The following DAZAP1 variants were observed in gnomAD, a reference collection of about 807,000 sequenced individuals.
The protein encoded by DAZAP1 is DAZ-associated protein 1.
Under a neutral mutation model 60.1 loss-of-function variants are expected in DAZAP1, and 6 were observed. The ratio of observed to expected loss-of-function variants is 0.10; its 90% CI spans 0.05 to 0.20. DAZAP1 has a LOEUF of 0.20. Ranked by LOEUF, DAZAP1 falls within the 10% of genes least tolerant of loss-of-function variation. The pLI, the probability that DAZAP1 is intolerant of heterozygous loss-of-function variation, is 1.00. For missense variants in DAZAP1, 366 were observed against 560.4 expected (o/e 0.65, Z 3.50); for synonymous variants, 235 against 215.9 (o/e 1.09, Z -0.78).
intron 1 of DAZAP1, among the ~76,000 whole-genome samples, chr19:1,414,785 A>G (rs2082926810): frequency 6.6e-6 from 1 of 151,768 alleles, no homozygotes; most frequent in Non-Finnish European, 1.5e-5. Context: ...GTATTTGAGT[A>G]TTTTTTATTT....
chr19:1,414,709 C>T (rs1376717921), intron 1 of DAZAP1, among the ~76,000 whole-genome samples: 1 of 151,690 alleles, frequency 6.6e-6, no homozygotes, highest in Admixed American at 6.6e-5. Context: ...ACACTCCAGC[C>T]TGGGCAACAC....
intron 8 of DAZAP1, 62 bp from the exon 9 acceptor site, chr19:1,429,905 C>G: frequency 6.5e-7 from 1 of 1,550,314 alleles, no homozygotes; most frequent in Non-Finnish European, 8.7e-7. Flanking sequence ...TCTGCGGCTC[C>G]TTCTCTGCGT....
At position 1,425,651 on chromosome 19, in the gene DAZAP1, C is replaced by G. The variant is rs1405499600; in HGVS notation, c.464-227C>G. Among the ~76,000 whole-genome samples, 1 of 152,218 alleles carries G rather than the reference C, an allele frequency of 6.6e-6. No individual in the cohort carries two copies. The highest frequency in any genetic ancestry group is 1.5e-5 in the Non-Finnish European group (1 of 68,042). ...GCGGAGGCTTGACTCAGGCCTCAGT[C>G]AGCAGAGCCGTCACCGGGAGTGCGG... is the stretch of plus-strand genomic sequence containing the variant. On this transcript the variant is annotated intron_variant, in intron 6 of 11. Coordinates refer to ENST00000233078, the MANE Select transcript of DAZAP1 (RefSeq NM_018959.4). This position sits in a 1 kb window ranked among gnomAD's most constrained non-coding sequence, Gnocchi z 5.4.
chr19:1,434,032 C>A lies in DAZAP1; in HGVS notation c.1049-705C>A. ...CCACGCCCACCTGTGCCCACGTGCA[C>A]CCGAATGGGAACCCAGAGGTCGTGG... On this transcript the variant is annotated intron_variant, in intron 11 of 11. Transcript: ENST00000233078. This position sits in a 1 kb window ranked among gnomAD's most constrained non-coding sequence, Gnocchi z 8.0. 1 of 588,362 alleles carries A rather than the reference C, an allele frequency of 1.7e-6. No homozygotes were observed. The allele number at this position is 588,362 out of a possible 1,614,324, so 36.4% of individuals were successfully genotyped here. A position where few individuals can be genotyped will look rare whatever the true frequency, so the allele number is the denominator to read the frequency against.
chr19:1,424,328 T>C lies in DAZAP1; in HGVS notation c.464-1550T>C, dbSNP rs191509437. ...GTCCCTCCTCCTCTTCCTCCTCCTC[T>C]TCCCCCTCCCCCTCCTCCTCCCCCT... On this transcript the variant is annotated intron_variant, in intron 6 of 11. Transcript: ENST00000233078. Among the ~76,000 whole-genome samples the C allele has an allele frequency of 8.7e-3, 851 of 97,278 alleles. 11 individuals are homozygous for C. The highest frequency in any genetic ancestry group is 0.031 in the African/African-American group (774 of 24,698). 63.8% of individuals were successfully genotyped at this position (97,278 alleles called of 152,430 possible). A position where few individuals can be genotyped will look rare whatever the true frequency, so the allele number is the denominator to read the frequency against.
In DAZAP1 at chr19:1,416,306, G is replaced by T. The variant is rs2082984010; in HGVS notation, c.30-1194G>T. 2 of 152,304 alleles carry T rather than the reference G, an allele frequency of 1.3e-5. No homozygotes were observed. The highest frequency in any genetic ancestry group is 4.8e-5 in the African/African-American group (2 of 41,452). 9.4% of individuals were successfully genotyped at this position (152,304 alleles called of 1,614,324 possible). On this transcript the variant is annotated intron_variant, in intron 1 of 11. Transcript: ENST00000233078. This position sits in a 1 kb window ranked among gnomAD's most constrained non-coding sequence, Gnocchi z 4.3. ...CGCGTGGGAATGGTGCTTTCAGTGAGGCTGGCAGGATTCTTGCGGCTCAGG... is the reference window on the plus strand; with the variant it reads ...CGCGTGGGAATGGTGCTTTCAGTGATGCTGGCAGGATTCTTGCGGCTCAGG...
chr19:1,418,679 C>G lies in DAZAP1; in HGVS notation c.251C>G (p.Pro84Arg). The change falls in exon 4 of 12, where the codon CCA becomes CGA. Residue 84 changes from proline to arginine, a missense_variant. Coordinates refer to ENST00000233078, the MANE Select transcript of DAZAP1 (RefSeq NM_018959.4). This position sits in a 1 kb window ranked among gnomAD's most constrained non-coding sequence, Gnocchi z 5.7. ...TLDGRNIDPKPCTPRGMQPER... is the reference protein window; with the variant it reads ...TLDGRNIDPKRCTPRGMQPER... The stretch of plus-strand genomic sequence containing the variant: ...AATTTCCTGCAGATCGACCCCAAGC[C>G]ATGCACACCCCGGGGGATGCAGCCG... The G allele has an allele frequency of 6.2e-7, 1 of 1,614,034 alleles. No individual in the cohort carries two copies. The highest frequency in any genetic ancestry group is 8.5e-7 in the Non-Finnish European group (1 of 1,179,968).
rs1229113672 is a variant in DAZAP1 at position 1,407,711 on chromosome 19, C to G, written c.-63C>G. On this transcript the variant is annotated 5_prime_UTR_variant, in exon 1 of 12. Coordinates refer to ENST00000233078, the MANE Select transcript of DAZAP1 (RefSeq NM_018959.4). ...GTGGGGAGGGCGACGGAGCGGGTGA[C>G]CTTCCGGAGGCGGGAGCGAGCGAGG... 5.7e-5 allele frequency: 60 copies of G among 1,056,540 alleles called. No individual in the cohort carries two copies. In the Admixed American group the frequency reaches 1.1e-3, roughly 20 times the overall value. 65.4% of individuals were successfully genotyped at this position (1,056,540 alleles called of 1,614,324 possible). A position where few individuals can be genotyped will look rare whatever the true frequency, so the allele number is the denominator to read the frequency against.
chr19:1,424,694 C>T (rs1202081589), intron 6 of DAZAP1, among the ~76,000 whole-genome samples: 1 of 152,124 alleles, frequency 6.6e-6, no homozygotes, highest in Non-Finnish European at 1.5e-5. Flanking sequence ...CTGCGCTGTC[C>T]CCTGCTGTGT....
rs2083535556 is a variant in DAZAP1 at position 1,434,275 on chromosome 19, A to C, written c.1049-462A>C. Reference sequence around the variant, plus strand: ...CACCGATGGACGTGCCCTGACAGGAAGGACAACGTGGGGTCTGGTCTGCGA... The same window carrying C: ...CACCGATGGACGTGCCCTGACAGGACGGACAACGTGGGGTCTGGTCTGCGA... On this transcript the variant is annotated intron_variant, in intron 11 of 11. Coordinates refer to ENST00000233078, the MANE Select transcript of DAZAP1 (RefSeq NM_018959.4). The surrounding 1 kb of genome is among the most constrained non-coding windows in gnomAD (Gnocchi z 8.0). 4.9e-6 allele frequency: 1 copy of C among 204,568 alleles called. No homozygotes were observed. Among genetic ancestry groups the C allele is most frequent in the Non-Finnish European group, 1.0e-5 (1 of 99,972 alleles). 12.7% of individuals were successfully genotyped at this position (204,568 alleles called of 1,614,324 possible).
rs79389543 is a variant in DAZAP1 at position 1,426,351 on chromosome 19, T to G, written c.546+391T>G. On this transcript the variant is annotated intron_variant, in intron 7 of 11. Transcript: ENST00000233078. This position sits in a 1 kb window ranked among gnomAD's most constrained non-coding sequence, Gnocchi z 5.4. The stretch of plus-strand genomic sequence containing the variant: ...CCCATTGTCTGACACTGACCTGTAA[T>G]GTGATCAGCAAGGGACCTTTGAGAG... 644 of 225,530 alleles carry G rather than the reference T, an allele frequency of 2.9e-3. 3 individuals carry two copies. The highest frequency in any genetic ancestry group is 0.014 in the African/African-American group (596 of 43,708). 14.0% of individuals were successfully genotyped at this position (225,530 alleles called of 1,614,324 possible). A position where few individuals can be genotyped will look rare whatever the true frequency, so the allele number is the denominator to read the frequency against.
Position 1,416,169 on chromosome 19 carries a change from G to A in DAZAP1, c.30-1331G>A, listed in dbSNP as rs537898605. On this transcript the variant is annotated intron_variant, in intron 1 of 11. Coordinates refer to ENST00000233078, the MANE Select transcript of DAZAP1 (RefSeq NM_018959.4). The surrounding 1 kb of genome is among the most constrained non-coding windows in gnomAD (Gnocchi z 4.3). ...GGCGAGCTGGCAGGAGCAGGGAGGA[G>A]CACGTTGCTCCTGCTGCTGGTGGGG... 1 of 152,344 alleles carries A rather than the reference G, an allele frequency of 6.6e-6. No homozygotes were observed. Among genetic ancestry groups the A allele is most frequent in the South Asian group, 2.1e-4 (1 of 4,822 alleles). 9.4% of individuals were successfully genotyped at this position (152,344 alleles called of 1,614,324 possible).
At position 1,428,746 on chromosome 19, in the gene DAZAP1, G is replaced by C; in HGVS notation, c.547-96G>C. ...AGTATTTAGTCTTAAGTTGTAAGAT[G>C]CTAAGTGTAGTCATAAGTTACCCGA... is the stretch of plus-strand genomic sequence containing the variant. On this transcript the variant is annotated intron_variant, in intron 7 of 11. Coordinates refer to ENST00000233078, the MANE Select transcript of DAZAP1 (RefSeq NM_018959.4). This position sits in a 1 kb window ranked among gnomAD's most constrained non-coding sequence, Gnocchi z 4.0. 7.1e-7 allele frequency: 1 copy of C among 1,417,346 alleles called. No homozygotes were observed. The highest frequency in any genetic ancestry group is 9.7e-7 in the Non-Finnish European group (1 of 1,029,354). 87.8% of individuals were successfully genotyped at this position (1,417,346 alleles called of 1,614,324 possible).
At chr19:1,429,038 C>A in intron 8 of DAZAP1, 43 bp downstream of exon 8, 2 of 1,531,978 alleles carry the variant, frequency 1.3e-6, no homozygotes, top group Non-Finnish European at 1.8e-6. Context: ...TCCCCCTTCT[C>A]GGACTTGGCC....
At chr19:1,411,458 T>A (rs1006501802) in intron 1 of DAZAP1, among the ~76,000 whole-genome samples, 2 of 152,228 alleles carry the variant, frequency 1.3e-5, no homozygotes, top group African/African-American at 2.4e-5. Flanking sequence ...TGGGGGCCGC[T>A]GCTCCTTGTG....
At position 1,422,286 on chromosome 19, in the gene DAZAP1, C is replaced by G. The variant is rs2083180065; in HGVS notation, c.415-62C>G. On this transcript the variant is annotated intron_variant, in intron 5 of 11. Transcript: ENST00000233078. The surrounding 1 kb of genome is among the most constrained non-coding windows in gnomAD (Gnocchi z 4.5). ...TGGGTTCGTGGGAACAGGCTGTGCC[C>G]TCGGAAGACCACCTGTGGTGCTGGC... 1.3e-6 allele frequency: 2 copies of G among 1,517,672 alleles called. No individual in the cohort carries two copies. Among genetic ancestry groups the G allele is most frequent in the Admixed American group, 1.7e-5 (1 of 59,566 alleles). The allele number at this position is 1,517,672 out of a possible 1,614,324, so 94.0% of individuals were successfully genotyped here.
rs2083541663 is a variant in DAZAP1 at position 1,434,433 on chromosome 19, TCCCCTCACCCC to T, written c.1049-300_1049-290del. On this transcript the variant is annotated intron_variant, in intron 11 of 11. Coordinates refer to ENST00000233078, the MANE Select transcript of DAZAP1 (RefSeq NM_018959.4). This position sits in a 1 kb window ranked among gnomAD's most constrained non-coding sequence, Gnocchi z 8.0. Reference sequence around the variant, plus strand: ...CTCCAAGCCCCGAGGCTTCTCTACCTCCCCTCACCCCCCCAACCACGTCTTCGGGATTGAAC... The same window carrying T: ...CTCCAAGCCCCGAGGCTTCTCTACCTCCCAACCACGTCTTCGGGATTGAAC... 1 of 344,354 alleles carries T rather than the reference TCCCCTCACCCC, an allele frequency of 2.9e-6. No homozygotes were observed. Among genetic ancestry groups the T allele is most frequent in the Non-Finnish European group, 5.4e-6 (1 of 186,456 alleles). 21.3% of individuals were successfully genotyped at this position (344,354 alleles called of 1,614,324 possible).
intron 1 of DAZAP1, among the ~76,000 whole-genome samples, chr19:1,414,713 G>T (rs2082923926): frequency 6.6e-6 from 1 of 151,846 alleles, no homozygotes; most frequent in Non-Finnish European, 1.5e-5. Flanking sequence ...TCCAGCCTGG[G>T]CAACACAGCG....
intron 6 of DAZAP1, among the ~76,000 whole-genome samples, chr19:1,424,637 C>G (rs2083260703): frequency 6.6e-6 from 1 of 152,016 alleles, no homozygotes; most frequent in Admixed American, 6.6e-5. Flanking sequence ...CTGTTCCCAC[C>G]CCCCACGGCC....
Sources: gnomAD v4.1 joint callset for allele counts (sites outside exome capture counted in the v4.1 genomes callset) on GRCh38, gnomAD v4.1.1 for gene constraint, Gnocchi (gnomAD v3.1) non-coding constraint, MANE v1.5 for transcripts, NCBI Gene and HGNC (gene_info 2026-07-23, HGNC 2026-07-21) for gene names.